PTGES2: variants seen among roughly 807,000 people sequenced by gnomAD.
The protein encoded by PTGES2 is prostaglandin E synthase 2.
In PTGES2, 35 loss-of-function variants were observed where a neutral mutation model predicts 44.5. The ratio of observed to expected loss-of-function variants is 0.79; its 90% CI spans 0.60 to 1.04. The LOEUF is 1.04. PTGES2 is among the 50% of genes least tolerant of loss of function. PTGES2 has a pLI of 0.00. For missense variants in PTGES2, 517 were observed against 521.4 expected (o/e 0.99, Z 0.08); for synonymous variants, 221 against 227.5 (o/e 0.97, Z 0.26).
Position 128,123,165 on chromosome 9 carries a change from G to C in PTGES2, c.687-31C>G. The C allele has an allele frequency of 1.3e-6, 2 of 1,598,718 alleles. No individual in the cohort carries two copies. Among genetic ancestry groups the C allele is most frequent in the South Asian group, 2.2e-5 (2 of 90,710 alleles). ...GGCACGGGAGGGACTTCCTAAGCCA[G>C]GACCCGGGCTGTGTTGGGAGCAGGC... On this transcript the variant is annotated intron_variant, in intron 4 of 6. Coordinates refer to ENST00000338961, the MANE Select transcript of PTGES2 (RefSeq NM_025072.7). This position sits in a 1 kb window ranked among gnomAD's most constrained non-coding sequence, Gnocchi z 4.4.
chr9:128,128,121 C>T (rs1009883437), upstream of PTGES2: 2 of 366,960 alleles, frequency 5.5e-6, no homozygotes, highest in South Asian at 2.1e-5. Flanking sequence ...AGTACAGGCG[C>T]CGCGACTTCC....
chr9:128,128,169 C>CGGGTGCGCGG (rs1285936023), upstream of PTGES2: 4,703 of 125,232 alleles, frequency 0.038, 103 homozygotes, highest in African/African-American at 0.18. Flanking sequence ...GACCCGGCAC[C>CGGGTGCGCGG]AGGTGTTGCG....
chr9:128,127,407 G>A, intron 1 of PTGES2, 32 bp downstream of exon 1: 1 of 1,334,580 alleles, frequency 7.5e-7, no homozygotes, highest in South Asian at 2.2e-5. Context: ...GCGCTGATCA[G>A]CATCCCCATC....
Position 128,123,793 on chromosome 9 carries a change from C to A in PTGES2, c.595G>T (p.Gly199Cys). 1.2e-6 allele frequency: 2 copies of A among 1,614,172 alleles called. No homozygotes were observed. The highest frequency in any genetic ancestry group is 1.7e-6 in the Non-Finnish European group (2 of 1,180,012). The stretch of plus-strand genomic sequence containing the variant: ...TTGCCGAACTCGGTCACCTCCTTGC[C>A]CTGCTCGTTCACAGCCTTCATGGCT... ...YPAMKAVNEQ[G>C]KEVTEFGNKY... The change falls in exon 4 of 7, where the codon GGC becomes TGC. Residue 199 changes from glycine (G) to cysteine (C), a missense_variant. Gly to Cys is a radical substitution (Grantham distance 159). Coordinates refer to ENST00000338961, the MANE Select transcript of PTGES2 (RefSeq NM_025072.7). The surrounding 1 kb of genome is among the most constrained non-coding windows in gnomAD (Gnocchi z 4.4).
intron 3 of PTGES2, among the ~76,000 whole-genome samples, chr9:128,124,167 T>C (rs1192476307): frequency 6.6e-6 from 1 of 150,894 alleles, no homozygotes; most frequent in Non-Finnish European, 1.5e-5. Flanking sequence ...ACCGCAACCC[T>C]CTGCCTCCCG....
chr9:128,127,339 G>C, intron 1 of PTGES2, 100 bp downstream of exon 1: 1 of 1,101,998 alleles, frequency 9.1e-7, no homozygotes, highest in Non-Finnish European at 1.2e-6. Flanking sequence ...CTCGCCCAAG[G>C]TCACAAGCAG....
At chr9:128,124,734 G>C in intron 2 of PTGES2, 184 bp from the exon 3 acceptor site, 1 of 1,337,656 alleles carries the variant, frequency 7.5e-7, no homozygotes, top group Non-Finnish European at 9.8e-7. Context: ...CCAATGGGGA[G>C]GAAGGTGTGG....
At position 128,127,688 on chromosome 9, in the gene PTGES2, C is replaced by A. The variant is rs1230620137; in HGVS notation, c.30G>T (p.Ala10=). 2 of 1,288,766 alleles carry A rather than the reference C, an allele frequency of 1.6e-6. No homozygotes were observed. The highest frequency in any genetic ancestry group is 1.5e-5 in the African/African-American group (1 of 64,658). 79.8% of individuals were successfully genotyped at this position (1,288,766 alleles called of 1,614,324 possible). A position where few individuals can be genotyped will look rare whatever the true frequency, so the allele number is the denominator to read the frequency against. The stretch of plus-strand genomic sequence containing the variant: ...CCAAGGCGCACCCACCAGGCCACAG[C>A]GCCCGCACCACCCGCGCAGCCGGGT... The part of the protein sequence containing the change: MDPAARVVR[A]LWPGGCALAW... The change falls in exon 1 of 7, where the codon GCG becomes GCT. Residue 10 remains alanine, a synonymous_variant. Transcript: ENST00000338961.
In PTGES2 at chr9:128,121,025, C is replaced by T. The variant is rs762416785; in HGVS notation, c.*120G>A. On this transcript the variant is annotated 3_prime_UTR_variant, in exon 7 of 7. Transcript: ENST00000338961. The stretch of plus-strand genomic sequence containing the variant: ...AGAAGCGAGAGGGCTGGTGGGGGTG[C>T]GTGGACAAGGGGCAGAATGATCCTG... The T allele has an allele frequency of 1.2e-5, 16 of 1,292,758 alleles. No homozygotes were observed. The highest frequency in any genetic ancestry group is 2.5e-5 in the Admixed American group (1 of 40,688). 80.1% of individuals were successfully genotyped at this position (1,292,758 alleles called of 1,614,324 possible).
chr9:128,127,938 C>T (rs1054293783), upstream of PTGES2: 5 of 432,796 alleles, frequency 1.2e-5, no homozygotes, highest in Non-Finnish European at 2.0e-5. Context: ...GCAGACCGTT[C>T]CATGCTTCCG....
intron 5 of PTGES2, 62 bp from the exon 6 acceptor site, chr9:128,122,541 G>A (rs1466227937): frequency 1.4e-6 from 2 of 1,431,602 alleles, no homozygotes; most frequent in Admixed American, 1.7e-5. Context: ...CAGGGAAGAG[G>A]GTCTCCTCTG....
chr9:128,127,759 A>G, upstream of PTGES2: 1 of 1,242,624 alleles, frequency 8.0e-7, no homozygotes, highest in Non-Finnish European at 1.0e-6. Context: ...CGAAACGAAG[A>G]CGCCGAGGCA....
In PTGES2 at chr9:128,122,967, G is replaced by A. The variant is rs774746489; in HGVS notation, c.854C>T (p.Ala285Val). Reference protein sequence around the residue: ...GAVAKYMGAAAMYLISKRLKS... With the variant: ...GAVAKYMGAAVMYLISKRLKS... ...GAGTCGCTTGCTGATGAGGTACATG[G>A]CCGCTGCACCCATGTACTTGGCCAC... The change falls in exon 5 of 7, where the codon GCC (alanine) becomes GTC (valine). Residue 285 changes from alanine to valine, a missense_variant. Transcript: ENST00000338961. The A allele has an allele frequency of 5.0e-6, 8 of 1,614,056 alleles. No individual in the cohort carries two copies. Among genetic ancestry groups the A allele is most frequent in the Non-Finnish European group, 5.1e-6 (6 of 1,180,026 alleles).
upstream of PTGES2, chr9:128,127,909 G>A (rs916067171): frequency 4.0e-5 from 19 of 476,052 alleles, no homozygotes; most frequent in Middle Eastern, 1.2e-3. Flanking sequence ...GAGCCGCAGA[G>A]GCCCGCTCGG....
At position 128,123,016 on chromosome 9, in the gene PTGES2, T is replaced by G. The variant is rs1460257638; in HGVS notation, c.805A>C (p.Lys269Gln). 3.1e-6 allele frequency: 5 copies of G among 1,613,932 alleles called. No individual in the cohort carries two copies. In the South Asian group the frequency reaches 5.5e-5, roughly 18 times the overall value. Residue 269 changes from lysine to glutamine, a missense_variant, in exon 5 of 7, where the codon AAG becomes CAG. By Grantham distance (53) the Lys-to-Gln change is moderately conservative. Transcript: ENST00000338961. This position sits in a 1 kb window ranked among gnomAD's most constrained non-coding sequence, Gnocchi z 4.4. The part of the protein sequence containing the change: ...ASFDYIVREG[K>Q]FGAVEGAVAK... The stretch of plus-strand genomic sequence containing the variant: ...ACGGCACCCTCCACGGCTCCGAACT[T>G]GCCCTCGCGGACAATGTAGTCAAAG...
At chr9:128,121,413 G>T in intron 6 of PTGES2, 140 bp from the exon 7 acceptor site, 1 of 1,073,646 alleles carries the variant, frequency 9.3e-7, no homozygotes, top group Non-Finnish European at 1.3e-6. Flanking sequence ...AACAGCACAG[G>T]TGAGGGTTTG....
At chr9:128,128,161 C>T, upstream of PTGES2, 1 of 188,252 alleles carries the variant, frequency 5.3e-6, no homozygotes, top group Non-Finnish European at 9.9e-6. Flanking sequence ...AACGACCCGA[C>T]CCGGCACCAG....
intron 1 of PTGES2, among the ~76,000 whole-genome samples, chr9:128,125,681 GA>G (rs1382104078): frequency 6.6e-6 from 1 of 152,094 alleles, no homozygotes; most frequent in Non-Finnish European, 1.5e-5. Flanking sequence ...TGTGTAGGAG[GA>G]ATCTTCTAGT....
At chr9:128,128,050 C>T (rs1047463967), upstream of PTGES2, 3 of 377,914 alleles carry the variant, frequency 7.9e-6, no homozygotes, top group African/African-American at 2.1e-5. Context: ...GTCTGTAACA[C>T]GTACTTGCCC....
Sources: allele counts gnomAD v4.1 joint callset (sites outside exome capture counted in the v4.1 genomes callset), GRCh38; gene constraint gnomAD v4.1.1; non-coding constraint Gnocchi (gnomAD v3.1); transcripts MANE v1.5; gene names NCBI Gene and HGNC (gene_info 2026-07-23, HGNC 2026-07-21).